The following GABRG3 variants were observed in gnomAD, a reference collection of about 807,000 sequenced individuals.
GABRG3 encodes the protein gamma-aminobutyric acid receptor subunit gamma-3.
A neutral mutation model predicts 48.8 loss-of-function variants in GABRG3; 25 were observed. The ratio of observed to expected loss-of-function variants is 0.51; its 90% CI spans 0.37 to 0.72. The LOEUF is 0.72. Among genes scored for constraint, GABRG3 ranks in the 30% least tolerant of loss-of-function variants. The probability of loss-of-function intolerance (pLI) is 0.00; values close to 1 mark genes in which losing one functional copy is unlikely to be tolerated. For synonymous variants in GABRG3, 227 were observed against 217.6 expected, an observed-to-expected ratio of 1.04 and a Z score of -0.38; for missense variants, 394 against 577.9, an observed-to-expected ratio of 0.68 and a Z score of 3.26.
At chr15:27,437,768 C>T (rs921338289) in intron 5 of GABRG3, among the ~76,000 whole-genome samples, 2 of 152,188 alleles carry the variant, frequency 1.3e-5, no homozygotes, top group African/African-American at 2.4e-5. Flanking sequence ...TTATTTGGCT[C>T]ATGGTTATGC....
At chr15:27,428,253 GCTT>G (rs1888350188) in intron 5 of GABRG3, 1 of 152,104 alleles carries the variant, frequency 6.6e-6, no homozygotes, top group South Asian at 2.1e-4. Flanking sequence ...GGTGGGTAGG[GCTT>G]CAATTTGAAA....
chr15:27,429,787 A>G (rs1888396567), intron 5 of GABRG3, among the ~76,000 whole-genome samples: 1 of 152,224 alleles, frequency 6.6e-6, no homozygotes, highest in Admixed American at 6.5e-5. Context: ...TCGCATGGAT[A>G]TACCACAATG....
rs1009524364 is a variant in GABRG3 at position 27,537,265 on chromosome 15, A to G, written c.*4384A>G. On this transcript the variant is annotated 3_prime_UTR_variant, in exon 10 of 10. Transcript: ENST00000615808. ...ACTATCATTTAACAGATATTCAGAA[A>G]GGTTCCGGAAATACGGGGGAAAGAA... 2 of 152,222 alleles carry G rather than the reference A, an allele frequency of 1.3e-5. No individual in the cohort carries two copies. The highest frequency in any genetic ancestry group is 1.9e-4 in the East Asian group (1 of 5,196). The allele number at this position is 152,222 out of a possible 1,614,324, so 9.4% of individuals were successfully genotyped here. A position where few individuals can be genotyped will look rare whatever the true frequency, so the allele number is the denominator to read the frequency against.
chr15:27,013,832 G>T (rs1387767997), intron 2 of GABRG3, among the ~76,000 whole-genome samples: 2 of 151,852 alleles, frequency 1.3e-5, no homozygotes, highest in East Asian at 3.9e-4. Flanking sequence ...GGATTGTTTT[G>T]GCTATTTGGG....
intron 4 of GABRG3, among the ~76,000 whole-genome samples, chr15:27,328,251 G>A (rs949567239): frequency 4.6e-5 from 7 of 152,124 alleles, no homozygotes; most frequent in Non-Finnish European, 5.9e-5. Context: ...GACATGACAC[G>A]GAACTTCAGC....
At chr15:27,398,002 C>T (rs1887365105) in intron 5 of GABRG3, among the ~76,000 whole-genome samples, 2 of 151,998 alleles carry the variant, frequency 1.3e-5, no homozygotes, top group Non-Finnish European at 2.9e-5. Flanking sequence ...GATGGGGTTT[C>T]ACCGTGTTAG....
intron 3 of GABRG3, among the ~76,000 whole-genome samples, chr15:27,217,240 A>G (rs555916151): frequency 1.7e-4 from 26 of 152,172 alleles, no homozygotes; most frequent in Non-Finnish European, 2.9e-4. Flanking sequence ...TTGCGGCACT[A>G]TTCACAATAG....
intron 3 of GABRG3, among the ~76,000 whole-genome samples, chr15:27,221,663 T>A (rs1484276657): frequency 1.3e-5 from 2 of 152,208 alleles, no homozygotes; most frequent in Non-Finnish European, 2.9e-5. Context: ...GTGAATTTTG[T>A]CTTGTTACAA....
At position 27,096,733 on chromosome 15, in the gene GABRG3, C is replaced by T. The variant is rs569450958; in HGVS notation, c.270+69912C>T. Among the ~76,000 whole-genome samples the T allele has an allele frequency of 2.0e-5, 3 of 152,200 alleles. No individual in the cohort carries two copies. In the East Asian group the frequency reaches 5.8e-4, roughly 29 times the overall value. On this transcript the variant is annotated intron_variant, in intron 3 of 9. Transcript: ENST00000615808. ...AGGGACCAGTTTTGGATCCTGTCCA[C>T]CTTCTTTTTGTATTTGTTGTTGTTT...
intron 3 of GABRG3, among the ~76,000 whole-genome samples, chr15:27,057,805 C>A (rs1208966057): frequency 6.6e-6 from 1 of 152,174 alleles, no homozygotes; most frequent in African/African-American, 2.4e-5. Flanking sequence ...ATAGAAAAGC[C>A]ATGTTTACTT....
chr15:27,122,345 G>T (rs566922791), intron 3 of GABRG3, among the ~76,000 whole-genome samples: 1 of 152,328 alleles, frequency 6.6e-6, no homozygotes, highest in East Asian at 1.9e-4. Flanking sequence ...TATGCAGTGT[G>T]CCATGGGATT....
At chr15:27,245,799 G>C (rs1165079635) in intron 3 of GABRG3, among the ~76,000 whole-genome samples, 1 of 152,174 alleles carries the variant, frequency 6.6e-6, no homozygotes, top group African/African-American at 2.4e-5. Context: ...CTTGAACCTG[G>C]GAGGCGGAGG....
chr15:27,173,753 G>A (rs986677555), intron 3 of GABRG3, among the ~76,000 whole-genome samples: 3 of 151,200 alleles, frequency 2.0e-5, no homozygotes, highest in African/African-American at 7.3e-5. Flanking sequence ...ATGGTGGCTT[G>A]CACCTGTAGT....
intron 5 of GABRG3, among the ~76,000 whole-genome samples, chr15:27,335,651 A>C (rs1045896496): frequency 1.3e-5 from 2 of 152,108 alleles, no homozygotes; most frequent in Non-Finnish European, 2.9e-5. Context: ...GAGAAAGCAG[A>C]GTGGAGGGGA....
At chr15:27,082,837 G>T in intron 3 of GABRG3, among the ~76,000 whole-genome samples, 1 of 152,192 alleles carries the variant, frequency 6.6e-6, no homozygotes, top group East Asian at 1.9e-4. Context: ...GTTGATGCTT[G>T]CTAGAGCTCT....
chr15:27,342,895 G>A (rs1310877161), intron 5 of GABRG3, among the ~76,000 whole-genome samples: 1 of 152,164 alleles, frequency 6.6e-6, no homozygotes, highest in Non-Finnish European at 1.5e-5. Flanking sequence ...TCACGTTGTT[G>A]CCCATTCTGC....
At chr15:27,197,131 A>AT (rs996474854) in intron 3 of GABRG3, among the ~76,000 whole-genome samples, 27 of 151,910 alleles carry the variant, frequency 1.8e-4, no homozygotes, top group African/African-American at 5.3e-4. Context: ...TTGAATTGTG[A>AT]TTTTTTTTAT....
intron 5 of GABRG3, among the ~76,000 whole-genome samples, chr15:27,430,938 C>T (rs951936287): frequency 4.6e-5 from 7 of 151,594 alleles, no homozygotes; most frequent in East Asian, 1.9e-4. Context: ...TGCAGTAAGC[C>T]GAGATCGCTG....
chr15:27,034,222 C>G (rs1402328543), intron 3 of GABRG3, among the ~76,000 whole-genome samples: 1 of 152,150 alleles, frequency 6.6e-6, no homozygotes, highest in African/African-American at 2.4e-5. Context: ...CTTTGTGGAT[C>G]TCCTGTTGTC....
Sources: allele counts gnomAD v4.1 joint callset (sites outside exome capture counted in the v4.1 genomes callset), GRCh38; gene constraint gnomAD v4.1.1; transcripts MANE v1.5; gene names NCBI Gene and HGNC (gene_info 2026-07-23, HGNC 2026-07-21).